The following NCOA2 variants were observed in gnomAD, a reference collection of about 807,000 sequenced individuals.
NCOA2 encodes class E basic helix-loop-helix protein 75.
NCOA2 carries 21 observed loss-of-function variants against 145.1 expected under a neutral mutation model. The observed-to-expected ratio is 0.14, with a 90% confidence interval of 0.10 to 0.21. The LOEUF (loss-of-function observed/expected upper bound fraction) is 0.21, where lower values mean the gene tolerates loss of function less well. NCOA2 is among the 10% of genes least tolerant of loss of function. The pLI, the probability that NCOA2 is intolerant of heterozygous loss-of-function variation, is 1.00. For missense variants in NCOA2, 1,472 were observed against 1,837.6 expected, an observed-to-expected ratio of 0.80 and a Z score of 3.64; for synonymous variants, 619 against 637.5, an observed-to-expected ratio of 0.97 and a Z score of 0.44.
chr8:70,169,946 A>C (rs1165188900), intron 6 of NCOA2, among the ~76,000 whole-genome samples: 1 of 151,886 alleles, frequency 6.6e-6, no homozygotes, highest in Non-Finnish European at 1.5e-5. Context: ...TTTGGCTAAG[A>C]AGCAATGATT....
chr8:70,161,866 C>G (rs1813054304), intron 9 of NCOA2, among the ~76,000 whole-genome samples: 1 of 152,004 alleles, frequency 6.6e-6, no homozygotes, highest in Non-Finnish European at 1.5e-5. Context: ...CAAATTAGCA[C>G]ATACTAAAGC....
At chr8:70,431,409 C>T in the NCOA2 span, among the ~76,000 whole-genome samples, 2 of 152,136 alleles carry the variant, frequency 1.3e-5, no homozygotes, top group Admixed American at 6.5e-5. Flanking sequence ...TACATTGAAA[C>T]ATAAAACAAA....
chr8:70,214,200 CT>C lies in NCOA2; in HGVS notation c.87-126del. 7.7e-6 allele frequency: 7 copies of C among 909,452 alleles called. No homozygotes were observed. The South Asian group carries it at 1.1e-4, about 15-fold the overall frequency. The allele number at this position is 909,452 out of a possible 1,614,324, so 56.3% of individuals were successfully genotyped here. ...AGCTACCTATATAAACACAGAAATA[CT>C]TTTGGGGGAAAAACACAATTTTCCA... is the stretch of plus-strand genomic sequence containing the variant. On this transcript the variant is annotated intron_variant, in intron 3 of 22. Transcript: ENST00000452400.
At chr8:70,366,617 C>A (rs1410697270) in intron 1 of NCOA2, among the ~76,000 whole-genome samples, 1 of 151,462 alleles carries the variant, frequency 6.6e-6, no homozygotes, top group Non-Finnish European at 1.5e-5. Flanking sequence ...TTCTTTACTA[C>A]TTTGGCTTTT....
intron 4 of NCOA2, among the ~76,000 whole-genome samples, chr8:70,206,477 A>AT (rs1042043131): frequency 5.8e-4 from 88 of 152,102 alleles, no homozygotes; most frequent in African/African-American, 2.0e-3. Flanking sequence ...TTTTAACTTC[A>AT]TTTTTTCTTG....
chr8:70,432,082 A>G, the NCOA2 span, among the ~76,000 whole-genome samples: 2 of 152,246 alleles, frequency 1.3e-5, no homozygotes, highest in Non-Finnish European at 2.9e-5. Context: ...AACCATAGGT[A>G]CAGATGATTA....
At chr8:70,389,647 A>G (rs938524903) in intron 1 of NCOA2, among the ~76,000 whole-genome samples, 2 of 152,008 alleles carry the variant, frequency 1.3e-5, no homozygotes, top group African/African-American at 4.8e-5. Context: ...AATGTCATCA[A>G]GTATGTCTGT....
chr8:70,159,222 T>TTATATA lies in NCOA2; in HGVS notation c.1124+277_1124+282dup, dbSNP rs6150644. Among the ~76,000 whole-genome samples, 72 of 44,484 alleles carry TTATATA rather than the reference T, an allele frequency of 1.6e-3. 2 individuals carry two copies. Among genetic ancestry groups the TTATATA allele is most frequent in the African/African-American group, 4.5e-3 (68 of 14,962 alleles). 29.2% of individuals were successfully genotyped at this position (44,484 alleles called of 152,430 possible). ...ATAATACAAATAATACAGTATAACA[T>TTATATA]TATATATATATATATATATATTTTT... On this transcript the variant is annotated intron_variant, in intron 10 of 22. Coordinates refer to ENST00000452400, the MANE Select transcript of NCOA2 (RefSeq NM_006540.4).
At chr8:70,293,382 C>A (rs913313544) in intron 2 of NCOA2, among the ~76,000 whole-genome samples, 3 of 152,172 alleles carry the variant, frequency 2.0e-5, no homozygotes, top group Non-Finnish European at 4.4e-5. Context: ...TCAACCATGT[C>A]ATATCCAATA....
intron 4 of NCOA2, among the ~76,000 whole-genome samples, chr8:70,198,516 T>C (rs938903107): frequency 6.6e-6 from 1 of 152,180 alleles, no homozygotes; most frequent in African/African-American, 2.4e-5. Flanking sequence ...AGCCAATGTA[T>C]TTTTAGAAAG....
At chr8:70,366,886 C>T (rs1810742726) in intron 1 of NCOA2, among the ~76,000 whole-genome samples, 2 of 152,168 alleles carry the variant, frequency 1.3e-5, no homozygotes. Flanking sequence ...CATCCAAACT[C>T]TGACCTCGTA....
intron 1 of NCOA2, among the ~76,000 whole-genome samples, chr8:70,366,066 T>C (rs977235409): frequency 6.6e-6 from 1 of 152,212 alleles, no homozygotes; most frequent in Non-Finnish European, 1.5e-5. Flanking sequence ...AACAAAGCCA[T>C]GAGCATGTGC....
intron 1 of NCOA2, among the ~76,000 whole-genome samples, chr8:70,334,171 C>T (rs1465447604): frequency 1.3e-5 from 2 of 152,156 alleles, no homozygotes; most frequent in Non-Finnish European, 2.9e-5. Flanking sequence ...AAATTTATAT[C>T]CTCCTTATTT....
chr8:70,237,549 G>C (rs1376007232), intron 2 of NCOA2, among the ~76,000 whole-genome samples: 1 of 151,854 alleles, frequency 6.6e-6, no homozygotes, highest in Non-Finnish European at 1.5e-5. Context: ...GACTGCTTGA[G>C]CTCAGGAGTT....
rs1042032164 is a variant in NCOA2 at position 70,121,459 on chromosome 8, T to C, written c.4294-68A>G. ...GTCCAAGAGTGCACTGGAAAACAAG[T>C]GGCCGCCGCCCTTCCTCTGTTTTTA... On this transcript the variant is annotated intron_variant, in intron 21 of 22. Transcript: ENST00000452400. 7.2e-6 allele frequency: 9 copies of C among 1,244,084 alleles called. No homozygotes were observed. In the African/African-American group the frequency reaches 8.9e-5, roughly 12 times the overall value. 77.1% of individuals were successfully genotyped at this position (1,244,084 alleles called of 1,614,324 possible).
chr8:70,237,291 G>A (rs1229784384), intron 2 of NCOA2, among the ~76,000 whole-genome samples: 1 of 152,140 alleles, frequency 6.6e-6, no homozygotes, highest in Non-Finnish European at 1.5e-5. Flanking sequence ...AGCAGGATTT[G>A]AACCCGCGCT....
At position 70,127,010 on chromosome 8, in the gene NCOA2, C is replaced by CTCT. The variant is rs1808489422; in HGVS notation, c.3716_3718dup (p.Gln1239_Arg1240insLys). On this transcript the variant is annotated inframe_insertion, in exon 19 of 23. Transcript: ENST00000452400. Reference sequence around the variant, plus strand: ...TCGAAGATGCTGGTTCAGGATTTCCCTCTGTCTCTGGGCCAGCATCTGTGC... The same window carrying CTCT: ...TCGAAGATGCTGGTTCAGGATTTCCCTCTTCTGTCTCTGGGCCAGCATCTGTGC... 6.2e-7 allele frequency: 1 copy of CTCT among 1,612,820 alleles called. No homozygotes were observed. The highest frequency in any genetic ancestry group is 1.1e-5 in the South Asian group (1 of 90,772).
intron 4 of NCOA2, among the ~76,000 whole-genome samples, chr8:70,206,044 G>T (rs952323864): frequency 2.0e-5 from 3 of 152,154 alleles, no homozygotes; most frequent in African/African-American, 7.2e-5. Flanking sequence ...GGAAACATGT[G>T]GGCACTCTTC....
At chr8:70,172,355 TTGTTTTTCCC>T (rs1814350784) in intron 5 of NCOA2, among the ~76,000 whole-genome samples, 1 of 152,380 alleles carries the variant, frequency 6.6e-6, no homozygotes, top group Non-Finnish European at 1.5e-5. Context: ...TTTCCCTAGT[TTGTTTTTCCC>T]TTATGTTATT....
Sources: allele counts gnomAD v4.1 joint callset (sites outside exome capture counted in the v4.1 genomes callset), GRCh38; gene constraint gnomAD v4.1.1; transcripts MANE v1.5; gene names NCBI Gene and HGNC (gene_info 2026-07-23, HGNC 2026-07-21).